Variants in STAT1 observed in about 807,000 individuals in gnomAD.
STAT1 encodes signal transducer and activator of transcription 1-alpha/beta.
A neutral mutation model predicts 111.7 loss-of-function variants in STAT1; 24 were observed. That is an observed-to-expected ratio of 0.21 (90% CI 0.16 to 0.30). The LOEUF (loss-of-function observed/expected upper bound fraction) is 0.30. Ranked by LOEUF, STAT1 falls within the 10% of genes least tolerant of loss-of-function variation. The probability of loss-of-function intolerance (pLI) is 1.00; values close to 1 mark genes in which losing one functional copy is unlikely to be tolerated. For missense variants in STAT1, 351 were observed against 911.9 expected (o/e 0.38, Z 7.92); for synonymous variants, 332 against 326.5 (o/e 1.02, Z -0.18).
chr2:191,014,152 T>A lies in STAT1; in HGVS notation c.-290A>T, dbSNP rs1460039243. 1 of 153,572 alleles carries A rather than the reference T, an allele frequency of 6.5e-6. No individual in the cohort carries two copies. Among genetic ancestry groups the A allele is most frequent in the Admixed American group, 6.5e-5 (1 of 15,312 alleles). The allele number at this position is 153,572 out of a possible 1,614,324, so 9.5% of individuals were successfully genotyped here. On this transcript the variant is annotated 5_prime_UTR_variant, in exon 1 of 25. Transcript: ENST00000361099. ...GGTGCAGCCGAGCCCCTCCGCAGAC[T>A]CTGCGCAGGAAAGCGAAACTACCCG...
rs1382595589 is a variant in STAT1 at position 191,004,639 on chromosome 2, C to A, written c.372+2924G>T. 6.6e-6 allele frequency among the ~76,000 whole-genome samples: 1 copy of A among 152,202 alleles called. No homozygotes were observed. Among genetic ancestry groups the A allele is most frequent in the Non-Finnish European group, 1.5e-5 (1 of 68,038 alleles). On this transcript the variant is annotated intron_variant, in intron 5 of 24. Transcript: ENST00000361099. This position sits in a 1 kb window ranked among gnomAD's most constrained non-coding sequence, Gnocchi z 5.0. ...CTGTGGCTCTGAGTGAAGTACCTGA[C>A]CTCTAAACCTTAGTTTTCTCATCTT...
In STAT1 at chr2:190,978,487, A is replaced by G. The variant is rs45570632; in HGVS notation, c.1873+369T>C. Reference sequence around the variant, plus strand: ...CTCCCGAAGCCTGTCTCATCTGCACACTCTACTCTGGGATGACCCTAAGAG... The same window carrying G: ...CTCCCGAAGCCTGTCTCATCTGCACGCTCTACTCTGGGATGACCCTAAGAG... On this transcript the variant is annotated intron_variant, in intron 21 of 24. Transcript: ENST00000361099. This position sits in a 1 kb window ranked among gnomAD's most constrained non-coding sequence, Gnocchi z 6.1. 7.6e-4 allele frequency: 257 copies of G among 338,220 alleles called. No homozygotes were observed. Among genetic ancestry groups the G allele is most frequent in the Middle Eastern group, 3.2e-3 (3 of 940 alleles). 21.0% of individuals were successfully genotyped at this position (338,220 alleles called of 1,614,324 possible).
chr2:190,974,428 G>A lies in STAT1; in HGVS notation c.2238+402C>T, dbSNP rs1051684135. Among the ~76,000 whole-genome samples the A allele has an allele frequency of 1.3e-5, 2 of 152,148 alleles. No homozygotes were observed. The highest frequency in any genetic ancestry group is 1.9e-4 in the East Asian group (1 of 5,198). On this transcript the variant is annotated intron_variant, in intron 24 of 24. Coordinates refer to ENST00000361099, the MANE Select transcript of STAT1 (RefSeq NM_007315.4). This position sits in a 1 kb window ranked among gnomAD's most constrained non-coding sequence, Gnocchi z 4.8. The stretch of plus-strand genomic sequence containing the variant: ...TCTCTCTAATTACTGTAACTACCAA[G>A]CGTTAGTCCCTCCCTTTCTAAAAAT...
chr2:190,982,562 C>T lies in STAT1; in HGVS notation c.1447-44G>A. ...AAATCTAAGGGTTACTACAGAGACA[C>T]CAGTCACAAGTGTGGCACTAAAACA... On this transcript the variant is annotated intron_variant, in intron 17 of 24. Coordinates refer to ENST00000361099, the MANE Select transcript of STAT1 (RefSeq NM_007315.4). The surrounding 1 kb of genome is among the most constrained non-coding windows in gnomAD (Gnocchi z 7.3). The T allele has an allele frequency of 1.2e-6, 2 of 1,609,810 alleles. No individual in the cohort carries two copies. The highest frequency in any genetic ancestry group is 1.7e-6 in the Non-Finnish European group (2 of 1,176,174).
At position 190,987,133 on chromosome 2, in the gene STAT1, TATA is replaced by T; in HGVS notation, c.1098-68_1098-66del. On this transcript the variant is annotated intron_variant, in intron 12 of 24. Coordinates refer to ENST00000361099, the MANE Select transcript of STAT1 (RefSeq NM_007315.4). The surrounding 1 kb of genome is among the most constrained non-coding windows in gnomAD (Gnocchi z 4.0). Reference sequence around the variant, plus strand: ...AATTTGAAATAAGCTTTAACAAAATTATAAGAGTATAAGAGCATAAGAGTGTAA... The same window carrying T: ...AATTTGAAATAAGCTTTAACAAAATTAGAGTATAAGAGCATAAGAGTGTAA... The T allele has an allele frequency of 8.9e-7, 1 of 1,122,632 alleles. No homozygotes were observed. Among genetic ancestry groups the T allele is most frequent in the Admixed American group, 1.7e-5 (1 of 57,396 alleles). 69.5% of individuals were successfully genotyped at this position (1,122,632 alleles called of 1,614,324 possible). A position where few individuals can be genotyped will look rare whatever the true frequency, so the allele number is the denominator to read the frequency against.
rs754322162 is a variant in STAT1 at position 190,978,875 on chromosome 2, C to T, written c.1854G>A (p.Glu618=). The change falls in exon 21 of 25, where the codon GAG becomes GAA. Residue 618 remains glutamate (E), a synonymous_variant. Coordinates refer to ENST00000361099, the MANE Select transcript of STAT1 (RefSeq NM_007315.4). This position sits in a 1 kb window ranked among gnomAD's most constrained non-coding sequence, Gnocchi z 6.1. Reference sequence around the variant, plus strand: ...ACTCACCGCCTCCGTTCTGGGACCGCTCCACCCATGTGAATGTGATGGCCC... The same window carrying T: ...ACTCACCGCCTCCGTTCTGGGACCGTTCCACCCATGTGAATGTGATGGCCC... ...REGAITFTWV[E]RSQNGGEPDF... is the part of the protein sequence containing the mutation. 2 of 1,614,152 alleles carry T rather than the reference C, an allele frequency of 1.2e-6. No homozygotes were observed. The highest frequency in any genetic ancestry group is 3.3e-5 in the Admixed American group (2 of 60,022).
rs1266914248 is a variant in STAT1 at position 190,979,912 on chromosome 2, A to G, written c.1633-46T>C. The stretch of plus-strand genomic sequence containing the variant: ...ACATTATGAACAAAAATCTAAAACA[A>G]TGACTTACCATGGCCCCTCCCACCA... On this transcript the variant is annotated intron_variant, in intron 19 of 24. Coordinates refer to ENST00000361099, the MANE Select transcript of STAT1 (RefSeq NM_007315.4). The surrounding 1 kb of genome is among the most constrained non-coding windows in gnomAD (Gnocchi z 5.8). The G allele has an allele frequency of 1.6e-6, 2 of 1,270,764 alleles. No individual in the cohort carries two copies. The highest frequency in any genetic ancestry group is 3.4e-5 in the Admixed American group (2 of 58,266). The allele number at this position is 1,270,764 out of a possible 1,614,324, so 78.7% of individuals were successfully genotyped here. A position where few individuals can be genotyped will look rare whatever the true frequency, so the allele number is the denominator to read the frequency against.
Position 190,993,344 on chromosome 2 carries a change from G to A in STAT1, c.944+1717C>T. 1.0e-6 allele frequency: 1 copy of A among 974,404 alleles called. No homozygotes were observed. 60.4% of individuals were successfully genotyped at this position (974,404 alleles called of 1,614,324 possible). On this transcript the variant is annotated intron_variant, in intron 10 of 24. Transcript: ENST00000361099. The surrounding 1 kb of genome is among the most constrained non-coding windows in gnomAD (Gnocchi z 4.1). The stretch of plus-strand genomic sequence containing the variant: ...TCCTCTGTAATAACTGGAGATGACT[G>A]TTCGAAACCTTTCCTGTTCTGCTGT...
rs1032022635 is a variant in STAT1, at chr2:190,997,454, A to G, written c.785+402T>C. On this transcript the variant is annotated intron_variant, in intron 9 of 24. Coordinates refer to ENST00000361099, the MANE Select transcript of STAT1 (RefSeq NM_007315.4). The surrounding 1 kb of genome is among the most constrained non-coding windows in gnomAD (Gnocchi z 7.3). ...CTACAGTGCCCGGCACACAGTAGGC[A>G]TTTAATAAGTATTACTGGATGGATG... Among the ~76,000 whole-genome samples the G allele has an allele frequency of 5.3e-5, 8 of 152,224 alleles. No homozygotes were observed. Among genetic ancestry groups the G allele is most frequent in the African/African-American group, 1.9e-4 (8 of 41,470 alleles).
At position 190,993,109 on chromosome 2, in the gene STAT1, A is replaced by G. The variant is rs1693513129; in HGVS notation, c.945-1789T>C. 7.4e-6 allele frequency: 3 copies of G among 405,342 alleles called. No individual in the cohort carries two copies. The highest frequency in any genetic ancestry group is 1.2e-4 in the East Asian group (2 of 16,272). 25.1% of individuals were successfully genotyped at this position (405,342 alleles called of 1,614,324 possible). A position where few individuals can be genotyped will look rare whatever the true frequency, so the allele number is the denominator to read the frequency against. On this transcript the variant is annotated intron_variant, in intron 10 of 24. Transcript: ENST00000361099. The surrounding 1 kb of genome is among the most constrained non-coding windows in gnomAD (Gnocchi z 4.1). Reference sequence around the variant, plus strand: ...CGGGCCTTGTTGCATTCCTAGCACTAGTTTCCAAAAACAGAATTCCAAGGG... The same window carrying G: ...CGGGCCTTGTTGCATTCCTAGCACTGGTTTCCAAAAACAGAATTCCAAGGG...
chr2:191,007,528 T>G lies in STAT1; in HGVS notation c.372+35A>C, dbSNP rs369517526. The G allele has an allele frequency of 2.7e-6, 4 of 1,457,404 alleles. No homozygotes were observed. The South Asian group carries it at 4.6e-5, about 17-fold the overall frequency. The allele number at this position is 1,457,404 out of a possible 1,614,324, so 90.3% of individuals were successfully genotyped here. A position where few individuals can be genotyped will look rare whatever the true frequency, so the allele number is the denominator to read the frequency against. On this transcript the variant is annotated intron_variant, in intron 5 of 24. Coordinates refer to ENST00000361099, the MANE Select transcript of STAT1 (RefSeq NM_007315.4). The surrounding 1 kb of genome is among the most constrained non-coding windows in gnomAD (Gnocchi z 4.2). ...TTGATGAATGAATACATTTTTATTT[T>G]ATTACAGTTTATGTGTTCAATGAGA...
Position 190,979,140 on chromosome 2 carries a change from G to A in STAT1, c.1728-139C>T. On this transcript the variant is annotated intron_variant, in intron 20 of 24. Coordinates refer to ENST00000361099, the MANE Select transcript of STAT1 (RefSeq NM_007315.4). This position sits in a 1 kb window ranked among gnomAD's most constrained non-coding sequence, Gnocchi z 5.8. ...AAAAACGTAGACTATTTTAAAATCT[G>A]TTCAGTTGACACTTAAGGAAGCATT... is the stretch of plus-strand genomic sequence containing the variant. 2 of 1,160,748 alleles carry A rather than the reference G, an allele frequency of 1.7e-6. No individual in the cohort carries two copies. The highest frequency in any genetic ancestry group is 2.5e-6 in the Non-Finnish European group (2 of 802,932). The allele number at this position is 1,160,748 out of a possible 1,614,324, so 71.9% of individuals were successfully genotyped here. A position where few individuals can be genotyped will look rare whatever the true frequency, so the allele number is the denominator to read the frequency against.
At chr2:191,008,822 GTAGAAAACA>G in intron 4 of STAT1, 132 bp downstream of exon 4, 1 of 857,248 alleles carries the variant, frequency 1.2e-6, no homozygotes. Context: ...TACTGATGCT[GTAGAAAACA>G]TAAATGGAGT....
chr2:191,000,644 T>A lies in STAT1; in HGVS notation c.462+430A>T, dbSNP rs1694200628. Among the ~76,000 whole-genome samples, 1 of 152,220 alleles carries A rather than the reference T, an allele frequency of 6.6e-6. No homozygotes were observed. The highest frequency in any genetic ancestry group is 2.4e-5 in the African/African-American group (1 of 41,454). ...TGTGGATGTCTTAATCAGAAATGTA[T>A]CCAAATTTCTTTCAATAAAATGTAT... is the stretch of plus-strand genomic sequence containing the variant. On this transcript the variant is annotated intron_variant, in intron 6 of 24. Transcript: ENST00000361099. The surrounding 1 kb of genome is among the most constrained non-coding windows in gnomAD (Gnocchi z 4.8).
At position 190,982,552 on chromosome 2, in the gene STAT1, T is replaced by C; in HGVS notation, c.1447-34A>G. 3 of 1,613,032 alleles carry C rather than the reference T, an allele frequency of 1.9e-6. No individual in the cohort carries two copies. Among genetic ancestry groups the C allele is most frequent in the Non-Finnish European group, 2.5e-6 (3 of 1,178,996 alleles). ...AAAACACCCAAAATCTAAGGGTTACTACAGAGACACCAGTCACAAGTGTGG... is the reference window on the plus strand; with the variant it reads ...AAAACACCCAAAATCTAAGGGTTACCACAGAGACACCAGTCACAAGTGTGG... On this transcript the variant is annotated intron_variant, in intron 17 of 24. Coordinates refer to ENST00000361099, the MANE Select transcript of STAT1 (RefSeq NM_007315.4). The surrounding 1 kb of genome is among the most constrained non-coding windows in gnomAD (Gnocchi z 7.3).
In STAT1 at chr2:190,983,494, C is replaced by T. The variant is rs914958978; in HGVS notation, c.1446+148G>A. ...AATACATATCCATGCTTCATATTCC[C>T]AGATTTACTCAAAAGCCTTAGAAAT... is the stretch of plus-strand genomic sequence containing the variant. On this transcript the variant is annotated intron_variant, in intron 17 of 24. Transcript: ENST00000361099. This position sits in a 1 kb window ranked among gnomAD's most constrained non-coding sequence, Gnocchi z 5.7. 9 of 779,186 alleles carry T rather than the reference C, an allele frequency of 1.2e-5. No individual in the cohort carries two copies. In the East Asian group the frequency reaches 2.0e-4, roughly 17 times the overall value. 48.3% of individuals were successfully genotyped at this position (779,186 alleles called of 1,614,324 possible).
rs1192142509 is a variant in STAT1 at position 190,977,798 on chromosome 2, A to G, written c.1874-773T>C. Among the ~76,000 whole-genome samples, 2 of 152,156 alleles carry G rather than the reference A, an allele frequency of 1.3e-5. No homozygotes were observed. The highest frequency in any genetic ancestry group is 2.9e-5 in the Non-Finnish European group (2 of 68,032). ...ACTATATCTGTCTCTCAGCTGGTTC[A>G]GGAAGGGAACAGGATAAGAGGAAAA... On this transcript the variant is annotated intron_variant, in intron 21 of 24. Transcript: ENST00000361099. This position sits in a 1 kb window ranked among gnomAD's most constrained non-coding sequence, Gnocchi z 4.7.
In STAT1 at chr2:190,993,963, AAT is replaced by A. The variant is rs1435511140; in HGVS notation, c.944+1096_944+1097del. Among the ~76,000 whole-genome samples, 1 of 152,212 alleles carries A rather than the reference AAT, an allele frequency of 6.6e-6. No individual in the cohort carries two copies. The highest frequency in any genetic ancestry group is 1.5e-5 in the Non-Finnish European group (1 of 68,038). Reference sequence around the variant, plus strand: ...TTCCAGAACTTTATGATATTCAAGAAATATAAAGAAATACATAACAACTATAT... The same window carrying A: ...TTCCAGAACTTTATGATATTCAAGAAATAAAGAAATACATAACAACTATAT... On this transcript the variant is annotated intron_variant, in intron 10 of 24. Coordinates refer to ENST00000361099, the MANE Select transcript of STAT1 (RefSeq NM_007315.4). This position sits in a 1 kb window ranked among gnomAD's most constrained non-coding sequence, Gnocchi z 4.1.
chr2:190,998,129 TATA>T lies in STAT1; in HGVS notation c.633+85_633+87del. The T allele has an allele frequency of 1.3e-6, 2 of 1,561,038 alleles. No homozygotes were observed. The highest frequency in any genetic ancestry group is 1.8e-6 in the Non-Finnish European group (2 of 1,135,578). ...CAACTGGGGCTCTAAGCCAGGTGGC[TATA>T]ATTTTTCCTCTCTTCTAAACTTTGA... is the stretch of plus-strand genomic sequence containing the variant. On this transcript the variant is annotated intron_variant, in intron 8 of 24. Coordinates refer to ENST00000361099, the MANE Select transcript of STAT1 (RefSeq NM_007315.4). The surrounding 1 kb of genome is among the most constrained non-coding windows in gnomAD (Gnocchi z 4.1).
Sources: allele counts gnomAD v4.1 joint callset (sites outside exome capture counted in the v4.1 genomes callset), GRCh38; gene constraint gnomAD v4.1.1; non-coding constraint Gnocchi (gnomAD v3.1); transcripts MANE v1.5; gene names NCBI Gene and HGNC (gene_info 2026-07-23, HGNC 2026-07-21).